Variants in AUTS2 observed in about 807,000 individuals in gnomAD.
AUTS2 encodes autism susceptibility gene 2 protein.
A neutral mutation model predicts 112.4 loss-of-function variants in AUTS2; 17 were observed. The ratio of observed to expected loss-of-function variants is 0.15; its 90% CI spans 0.10 to 0.23. AUTS2 has a LOEUF of 0.23. AUTS2 is among the 10% of genes least tolerant of loss of function. AUTS2 has a pLI of 1.00. For synonymous variants in AUTS2, 751 were observed against 702.7 expected (o/e 1.07, Z -1.09); for missense variants, 1,510 against 1,701.6 (o/e 0.89, Z 1.98).
chr7:70,618,393 T>C (rs1458674816), intron 5 of AUTS2, among the ~76,000 whole-genome samples: 1 of 152,164 alleles, frequency 6.6e-6, no homozygotes, highest in Non-Finnish European at 1.5e-5. Flanking sequence ...TCCAGCAGTC[T>C]CTCCCTGGAG....
intron 1 of AUTS2, among the ~76,000 whole-genome samples, chr7:69,741,511 C>G (rs1490192791): frequency 6.6e-6 from 1 of 152,050 alleles, no homozygotes; most frequent in Non-Finnish European, 1.5e-5. Flanking sequence ...TCGAGACCAG[C>G]CTGGGCAATG....
chr7:69,898,204 A>G (rs888381364), intron 1 of AUTS2, among the ~76,000 whole-genome samples: 1 of 152,150 alleles, frequency 6.6e-6, no homozygotes, highest in Admixed American at 6.5e-5. Context: ...TACCCCAGAA[A>G]TGAAAAAATT....
chr7:70,038,919 C>T (rs757988366), intron 2 of AUTS2, among the ~76,000 whole-genome samples: 50 of 152,058 alleles, frequency 3.3e-4, no homozygotes, highest in Middle Eastern at 3.4e-3. Flanking sequence ...CCATCATGCC[C>T]GGCTAGTTTT....
intron 1 of AUTS2, among the ~76,000 whole-genome samples, chr7:69,614,659 G>T (rs1346408975): frequency 1.3e-5 from 2 of 151,520 alleles, no homozygotes; most frequent in East Asian, 3.9e-4. Flanking sequence ...AATTTTTTTT[G>T]GAGGGGTAGA....
At chr7:69,764,275 G>A (rs771858538) in intron 1 of AUTS2, among the ~76,000 whole-genome samples, 3 of 152,158 alleles carry the variant, frequency 2.0e-5, no homozygotes, top group Non-Finnish European at 4.4e-5. Context: ...CATGATTTAT[G>A]TAACATGGGC....
intron 5 of AUTS2, among the ~76,000 whole-genome samples, chr7:70,632,633 C>T (rs1044240002): frequency 6.6e-6 from 1 of 152,084 alleles, no homozygotes; most frequent in Non-Finnish European, 1.5e-5. Context: ...ACACTCCCCT[C>T]CCTTCCATCC....
intron 4 of AUTS2, among the ~76,000 whole-genome samples, chr7:70,301,802 C>T (rs1392455031): frequency 2.0e-5 from 3 of 152,152 alleles, no homozygotes; most frequent in Non-Finnish European, 4.4e-5. Context: ...CTCGCCCTGT[C>T]ACCCAGGATA....
chr7:70,010,773 A>G (rs992795632), intron 2 of AUTS2, among the ~76,000 whole-genome samples: 2 of 152,172 alleles, frequency 1.3e-5, no homozygotes, highest in Admixed American at 6.5e-5. Flanking sequence ...TTATACCCAA[A>G]CTAGATATTC....
chr7:70,275,261 C>A (rs927150989), intron 4 of AUTS2, among the ~76,000 whole-genome samples: 6 of 152,114 alleles, frequency 3.9e-5, no homozygotes, highest in Non-Finnish European at 8.8e-5. Flanking sequence ...ACGAATGAAT[C>A]AATGTAATTT....
chr7:70,217,156 G>A (rs1260073771), intron 4 of AUTS2, among the ~76,000 whole-genome samples: 6 of 152,046 alleles, frequency 3.9e-5, no homozygotes, highest in Non-Finnish European at 8.8e-5. Flanking sequence ...CCACAGTTTA[G>A]AATAAAATCA....
At chr7:70,622,765 G>A (rs1427180777) in intron 5 of AUTS2, among the ~76,000 whole-genome samples, 2 of 152,214 alleles carry the variant, frequency 1.3e-5, no homozygotes, top group African/African-American at 4.8e-5. Context: ...ACTGTTGGCA[G>A]CCTTTACACG....
chr7:70,107,424 AC>A (rs1176774243), intron 2 of AUTS2, among the ~76,000 whole-genome samples: 6 of 144,266 alleles, frequency 4.2e-5, no homozygotes, highest in African/African-American at 1.5e-4. Context: ...GTTCACTGCA[AC>A]CTCCGTCTCC....
intron 5 of AUTS2, among the ~76,000 whole-genome samples, chr7:70,633,596 G>T: frequency 1.3e-5 from 1 of 76,982 alleles, no homozygotes; most frequent in South Asian, 6.5e-4. Flanking sequence ...GGGCCACAGA[G>T]CAAGACTCCG....
At chr7:69,772,458 G>A (rs1788709482) in intron 1 of AUTS2, among the ~76,000 whole-genome samples, 1 of 152,110 alleles carries the variant, frequency 6.6e-6, no homozygotes, top group Non-Finnish European at 1.5e-5. Context: ...TGTTTGTTTT[G>A]GAGATAGGGT....
At chr7:69,891,818 G>T (rs1794538233) in intron 1 of AUTS2, among the ~76,000 whole-genome samples, 1 of 45,342 alleles carries the variant, frequency 2.2e-5, no homozygotes. Context: ...TTTTGAGATG[G>T]AGTATCTCTC....
At chr7:70,424,641 C>T (rs528331104) in intron 4 of AUTS2, among the ~76,000 whole-genome samples, 30 of 152,238 alleles carry the variant, frequency 2.0e-4, no homozygotes, top group African/African-American at 7.2e-4. Flanking sequence ...GGCTAGAGCA[C>T]AATGACATGA....
intron 4 of AUTS2, among the ~76,000 whole-genome samples, chr7:70,176,474 G>C (rs1039333781): frequency 6.6e-6 from 1 of 152,186 alleles, no homozygotes. Context: ...CAATGGCAAT[G>C]ATTCTGCCTG....
intron 1 of AUTS2, among the ~76,000 whole-genome samples, chr7:69,857,704 A>G (rs1053176229): frequency 4.6e-5 from 7 of 151,998 alleles, no homozygotes; most frequent in African/African-American, 1.7e-4. Context: ...TTATTAAGAC[A>G]TTCCCGGGAG....
chr7:69,616,308 A>G (rs542219615), intron 1 of AUTS2, among the ~76,000 whole-genome samples: 74 of 152,326 alleles, frequency 4.9e-4, no homozygotes, highest in Middle Eastern at 6.8e-3. Flanking sequence ...GGTGGCTGCC[A>G]TGTTGCCCAA....
Sources: gnomAD v4.1 joint callset for allele counts (sites outside exome capture counted in the v4.1 genomes callset) on GRCh38, gnomAD v4.1.1 for gene constraint, MANE v1.5 for transcripts, NCBI Gene and HGNC (gene_info 2026-07-23, HGNC 2026-07-21) for gene names.